Variants in POLK observed in about 807,000 individuals in gnomAD.
POLK encodes DNA polymerase kappa.
A neutral mutation model predicts 94.0 loss-of-function variants in POLK; 76 were observed. The observed-to-expected ratio is 0.81, with a 90% CI of 0.67 to 0.98. POLK has a LOEUF of 0.98. Ranked by LOEUF, POLK falls within the 50% of genes least tolerant of loss-of-function variation. POLK has a pLI of 0.00. For missense variants in POLK, 954 were observed against 1,010.1 expected (o/e 0.94, Z 0.75); for synonymous variants, 349 against 325.4 (o/e 1.07, Z -0.78).
intron 9 of POLK, 111 bp from the exon 10 acceptor site, chr5:75,586,915 T>G: frequency 1.4e-6 from 1 of 714,492 alleles, no homozygotes; most frequent in South Asian, 1.8e-5. Flanking sequence ...TGTATAAATT[T>G]TAATAAAAAA....
chr5:75,513,202 C>G (rs1351991739), intron 1 of POLK, among the ~76,000 whole-genome samples: 1 of 152,130 alleles, frequency 6.6e-6, no homozygotes, highest in Non-Finnish European at 1.5e-5. Context: ...CTTTCTTTTA[C>G]TTTCTTCTTT....
chr5:75,597,190 A>G lies in POLK; in HGVS notation c.2485+12A>G, dbSNP rs779003689. 4 of 1,307,052 alleles carry G rather than the reference A, an allele frequency of 3.1e-6. No homozygotes were observed. In the East Asian group the frequency reaches 9.2e-5, roughly 30 times the overall value. The allele number at this position is 1,307,052 out of a possible 1,614,324, so 81.0% of individuals were successfully genotyped here. On this transcript the variant is annotated intron_variant, in intron 13 of 14. Transcript: ENST00000241436. The stretch of plus-strand genomic sequence containing the variant: ...CTCCAGAAGTACTGGTAAGTGTGTA[A>G]TTGTTTTAAACTGCATGATTTTCTA...
intron 1 of POLK, among the ~76,000 whole-genome samples, chr5:75,540,880 CTT>C (rs1769702968): frequency 6.6e-6 from 1 of 152,136 alleles, no homozygotes; most frequent in Admixed American, 6.5e-5. Context: ...AAGATAAAAA[CTT>C]AGATTTTCAC....
In POLK at chr5:75,578,322, A is replaced by T. The variant is rs186723233; in HGVS notation, c.694+1389A>T. On this transcript the variant is annotated intron_variant, in intron 6 of 14. Transcript: ENST00000241436. The stretch of plus-strand genomic sequence containing the variant: ...AGGCGCGTGCCACCACACCCGACTA[A>T]TTTTTTGTATTTTTAGTAGAGGTGG... Among the ~76,000 whole-genome samples, 20 of 152,106 alleles carry T rather than the reference A, an allele frequency of 1.3e-4. No homozygotes were observed. The East Asian group carries it at 2.9e-3, about 22-fold the overall frequency.
intron 1 of POLK, among the ~76,000 whole-genome samples, chr5:75,524,570 T>A (rs1401034943): frequency 6.6e-6 from 1 of 152,154 alleles, no homozygotes; most frequent in Non-Finnish European, 1.5e-5. Context: ...AAACTTCTAC[T>A]TCCAGTATGG....
chr5:75,582,089 A>T, intron 7 of POLK: 1 of 986,084 alleles, frequency 1.0e-6, no homozygotes, highest in Non-Finnish European at 1.2e-6. Context: ...CCTGTCCAAG[A>T]TTACATTGCA....
intron 6 of POLK, chr5:75,580,661 A>G (rs969375150): frequency 3.4e-5 from 9 of 262,240 alleles, no homozygotes; most frequent in Non-Finnish European, 4.7e-5. Flanking sequence ...AAGCAAATCA[A>G]AATTAAAATC....
intron 2 of POLK, among the ~76,000 whole-genome samples, chr5:75,547,674 G>T (rs532071890): frequency 6.6e-6 from 1 of 152,170 alleles, no homozygotes; most frequent in African/African-American, 2.4e-5. Context: ...CTGTGGAAGA[G>T]ATTCCTACAA....
At chr5:75,547,577 T>G (rs1389909161) in intron 2 of POLK, among the ~76,000 whole-genome samples, 3 of 152,202 alleles carry the variant, frequency 2.0e-5, no homozygotes, top group Non-Finnish European at 2.9e-5. Context: ...GATAAATATA[T>G]GTCATTTGTA....
At chr5:75,527,225 G>A (rs1768903785) in intron 1 of POLK, among the ~76,000 whole-genome samples, 1 of 151,998 alleles carries the variant, frequency 6.6e-6, no homozygotes, top group East Asian at 1.9e-4. Context: ...ATCTTAAGAT[G>A]TAGTTTTGGC....
downstream of POLK, among the ~76,000 whole-genome samples, chr5:75,602,641 A>G (rs1315340651): frequency 6.6e-6 from 1 of 152,196 alleles, no homozygotes; most frequent in African/African-American, 2.4e-5. Flanking sequence ...AATTCGTAAC[A>G]TGTTTAGGGG....
At chr5:75,580,788 T>C (rs5744667) in intron 6 of POLK, among the ~76,000 whole-genome samples, 19,408 of 151,012 alleles carry the variant, frequency 0.13, 1,354 homozygotes, top group South Asian at 0.23. Context: ...GTATAATTAT[T>C]ATATATTGTT....
chr5:75,581,663 A>T, intron 7 of POLK: 1 of 485,112 alleles, frequency 2.1e-6, no homozygotes, highest in South Asian at 2.9e-5. Context: ...GAAAAAAAAG[A>T]TTATACGTTT....
At chr5:75,544,387 C>T (rs1769904055) in intron 1 of POLK, among the ~76,000 whole-genome samples, 1 of 152,102 alleles carries the variant, frequency 6.6e-6, no homozygotes, top group Admixed American at 6.5e-5. Context: ...TGGCTCAGGC[C>T]TGTAATCTCA....
chr5:75,583,210 C>T lies in POLK; in HGVS notation c.935-83C>T, dbSNP rs55885461. On this transcript the variant is annotated intron_variant, in intron 7 of 14. Coordinates refer to ENST00000241436, the Ensembl canonical transcript of POLK. The stretch of plus-strand genomic sequence containing the variant: ...ATCATTTGAGATTTTTTGCAATTAA[C>T]TTTTTTTTTCTGTTTTGTTATTGCA... 1.1e-3 allele frequency: 1,093 copies of T among 1,021,110 alleles called. 8 individuals carry two copies. In the East Asian group the frequency reaches 0.019, roughly 18 times the overall value. 63.3% of individuals were successfully genotyped at this position (1,021,110 alleles called of 1,614,324 possible).
intron 1 of POLK, among the ~76,000 whole-genome samples, chr5:75,519,328 T>C (rs181945538): frequency 6.6e-6 from 1 of 152,310 alleles, no homozygotes; most frequent in East Asian, 1.9e-4. Context: ...CTGGAGAATG[T>C]TTCATATGCT....
intron 4 of POLK, among the ~76,000 whole-genome samples, chr5:75,572,737 C>T (rs1988728): frequency 0.077 from 11,693 of 152,016 alleles, 541 homozygotes; most frequent in South Asian, 0.17. Flanking sequence ...ATCAAAATAC[C>T]GTGACAGAAT....
chr5:75,583,132 A>G (rs1772287474), intron 7 of POLK, among the ~76,000 whole-genome samples, 161 bp from the exon 8 acceptor site: 3 of 152,124 alleles, frequency 2.0e-5, no homozygotes, highest in Non-Finnish European at 4.4e-5. Context: ...AACCATAGCA[A>G]ACCCTGGGGA....
chr5:75,547,647 T>C lies in POLK; in HGVS notation c.135+490T>C, dbSNP rs138636787. 2.4e-3 allele frequency among the ~76,000 whole-genome samples: 361 copies of C among 152,372 alleles called. 1 individual carries two copies. The East Asian group carries it at 0.027, about 12-fold the overall frequency. On this transcript the variant is annotated intron_variant, in intron 2 of 14. Coordinates refer to ENST00000241436, the Ensembl canonical transcript of POLK. Reference sequence around the variant, plus strand: ...GGGAATAACGTATTTTATAACTTTCTATATGTGCAAGTATAACTGTGGAAG... The same window carrying C: ...GGGAATAACGTATTTTATAACTTTCCATATGTGCAAGTATAACTGTGGAAG...
Sources: allele counts gnomAD v4.1 joint callset (sites outside exome capture counted in the v4.1 genomes callset), GRCh38; gene constraint gnomAD v4.1.1; transcripts MANE v1.5; gene names NCBI Gene and HGNC (gene_info 2026-07-23, HGNC 2026-07-21).